DLC1: variants seen among roughly 807,000 people sequenced by gnomAD.
DLC1 encodes DLC1 Rho GTPase activating protein.
In DLC1, 54 loss-of-function variants were observed where a neutral mutation model predicts 140.3. The observed-to-expected ratio is 0.38, with a 90% confidence interval of 0.31 to 0.48. DLC1 has a LOEUF of 0.48. DLC1 is among the 20% of genes least tolerant of loss of function. DLC1 has a pLI of 0.96. For missense variants in DLC1, 2,536 were observed against 1,907.0 expected, an observed-to-expected ratio of 1.33 and a Z score of -6.14; for synonymous variants, 986 against 728.1, an observed-to-expected ratio of 1.35 and a Z score of -5.70.
At chr8:13,359,460 G>A (rs1404553585) in intron 4 of DLC1, among the ~76,000 whole-genome samples, 5 of 152,168 alleles carry the variant, frequency 3.3e-5, no homozygotes. Flanking sequence ...CTAATAATAT[G>A]CACCTGCGGC....
intron 5 of DLC1, among the ~76,000 whole-genome samples, chr8:13,223,027 A>G (rs888580522): frequency 6.6e-6 from 1 of 152,188 alleles, no homozygotes; most frequent in Non-Finnish European, 1.5e-5. Flanking sequence ...TGTTGGGATT[A>G]TAGGTATGAA....
chr8:13,430,773 T>C (rs1157521562), intron 2 of DLC1, among the ~76,000 whole-genome samples: 6 of 152,190 alleles, frequency 3.9e-5, no homozygotes, highest in Non-Finnish European at 4.4e-5. Context: ...AAAAGCAAAA[T>C]GTTTATAAAT....
intron 2 of DLC1, among the ~76,000 whole-genome samples, chr8:13,483,282 C>T (rs1356572153): frequency 1.3e-5 from 2 of 152,192 alleles, no homozygotes; most frequent in Non-Finnish European, 2.9e-5. Flanking sequence ...AACTTGATTA[C>T]ATCTGCAAAG....
chr8:13,289,533 G>A (rs186029262), intron 5 of DLC1, among the ~76,000 whole-genome samples: 5 of 152,166 alleles, frequency 3.3e-5, no homozygotes, highest in Admixed American at 2.0e-4. Context: ...CTCTCACTAT[G>A]TTGCCCAGGC....
intron 2 of DLC1, among the ~76,000 whole-genome samples, chr8:13,421,963 A>T (rs1017099236): frequency 2.0e-5 from 3 of 152,128 alleles, no homozygotes; most frequent in Non-Finnish European, 4.4e-5. Context: ...TTTTTAATTC[A>T]AATGGTCATA....
At chr8:13,336,324 T>C (rs1833809390) in intron 4 of DLC1, among the ~76,000 whole-genome samples, 2 of 152,190 alleles carry the variant, frequency 1.3e-5, no homozygotes. Context: ...AGAATTACAG[T>C]GGTAGAAATT....
At chr8:13,159,224 C>A (rs945558010) in intron 5 of DLC1, among the ~76,000 whole-genome samples, 1 of 152,152 alleles carries the variant, frequency 6.6e-6, no homozygotes, top group Non-Finnish European at 1.5e-5. Context: ...AATTCTCATG[C>A]GTCCACTCCC....
intron 1 of DLC1, chr8:13,567,561 A>G: frequency 6.4e-7 from 1 of 1,551,842 alleles, no homozygotes; most frequent in Non-Finnish European, 8.7e-7. Flanking sequence ...AGGAGGCAGC[A>G]GCTAAGCAAC....
intron 1 of DLC1, among the ~76,000 whole-genome samples, chr8:13,514,059 T>G (rs73665129): frequency 0.026 from 4,028 of 152,232 alleles, 199 homozygotes; most frequent in African/African-American, 0.091. Flanking sequence ...AATGAACCTT[T>G]TAAGCTGTAC....
intron 5 of DLC1, among the ~76,000 whole-genome samples, chr8:13,253,179 A>G (rs1363362118): frequency 6.6e-6 from 1 of 152,248 alleles, no homozygotes; most frequent in Non-Finnish European, 1.5e-5. Flanking sequence ...ATTCATTAGC[A>G]TAAGAAGTGA....
intron 4 of DLC1, among the ~76,000 whole-genome samples, chr8:13,356,795 T>A (rs79481926): frequency 5.9e-5 from 9 of 152,128 alleles, no homozygotes; most frequent in Non-Finnish European, 1.0e-4. Flanking sequence ...CCGTACTTCC[T>A]GATCAATGCT....
At chr8:13,145,904 A>G (rs1823399435) in intron 5 of DLC1, among the ~76,000 whole-genome samples, 1 of 152,166 alleles carries the variant, frequency 6.6e-6, no homozygotes, top group Admixed American at 6.6e-5. Context: ...AACAGGAAAG[A>G]ATATTCTAGT....
intron 4 of DLC1, among the ~76,000 whole-genome samples, chr8:13,327,545 C>T (rs538099605): frequency 1.3e-5 from 2 of 150,706 alleles, no homozygotes; most frequent in Non-Finnish European, 2.9e-5. Flanking sequence ...GTCTTGAACT[C>T]CTGGGTTCAA....
intron 5 of DLC1, among the ~76,000 whole-genome samples, chr8:13,272,644 G>T (rs181902665): frequency 2.6e-5 from 4 of 152,030 alleles, no homozygotes; most frequent in Non-Finnish European, 5.9e-5. Flanking sequence ...GTCGGATCAC[G>T]AGGTCAAGAG....
intron 4 of DLC1, among the ~76,000 whole-genome samples, chr8:13,379,637 C>CTTATT (rs938749819): frequency 6.6e-6 from 1 of 152,070 alleles, no homozygotes; most frequent in African/African-American, 2.4e-5. Flanking sequence ...GAAATCCATC[C>CTTATT]TTATTTTATT....
rs1275456997 is a variant in DLC1 at position 13,542,379 on chromosome 8, G to A, written c.-125-42183C>T. Among the ~76,000 whole-genome samples, 4 of 152,088 alleles carry A rather than the reference G, an allele frequency of 2.6e-5. No individual in the cohort carries two copies. The East Asian group carries it at 5.8e-4, about 22-fold the overall frequency. ...ACCATATGCGTAGGTCTATTTCTGG[G>A]CACACTGTTCTGTACCATTGGTCTA... On this transcript the variant is annotated intron_variant, in intron 1 of 1. Coordinates refer to the DLC1 transcript ENST00000631382.
At chr8:13,548,614 T>C (rs538884906) in intron 1 of DLC1, among the ~76,000 whole-genome samples, 5 of 152,206 alleles carry the variant, frequency 3.3e-5, no homozygotes, top group South Asian at 2.1e-4. Context: ...TAATAGACTT[T>C]AGGAGACTGT....
chr8:13,365,529 A>G (rs1835439138), intron 4 of DLC1, among the ~76,000 whole-genome samples: 1 of 152,170 alleles, frequency 6.6e-6, no homozygotes, highest in Non-Finnish European at 1.5e-5. Context: ...CGTTGGAGGG[A>G]CAAATGCCAG....
At chr8:13,531,992 A>C (rs770805961) in intron 1 of DLC1, among the ~76,000 whole-genome samples, 6 of 152,224 alleles carry the variant, frequency 3.9e-5, no homozygotes, top group Non-Finnish European at 5.9e-5. Context: ...GGCACAAGGA[A>C]AGATTTTCTA....
Sources: gnomAD v4.1 joint callset for allele counts (sites outside exome capture counted in the v4.1 genomes callset) on GRCh38, gnomAD v4.1.1 for gene constraint, MANE v1.5 for transcripts, NCBI Gene and HGNC (gene_info 2026-07-23, HGNC 2026-07-21) for gene names.